Variants in DPH6 observed in about 807,000 individuals in gnomAD.
DPH6 encodes diphthine--ammonia ligase.
In DPH6, 33 loss-of-function variants were observed where a neutral mutation model predicts 38.2. The ratio of observed to expected loss-of-function variants is 0.86; its 90% CI spans 0.65 to 1.15. The LOEUF is 1.15. DPH6 is among the 50% of genes most tolerant of loss of function. DPH6 has a pLI of 0.00. For synonymous variants in DPH6, 108 were observed against 103.0 expected (o/e 1.05, Z -0.30); for missense variants, 325 against 320.0 (o/e 1.02, Z -0.12).
intron 3 of DPH6, among the ~76,000 whole-genome samples, chr15:35,267,512 A>G (rs934983812): frequency 3.9e-5 from 6 of 152,010 alleles, no homozygotes; most frequent in African/African-American, 1.4e-4. Flanking sequence ...ATCTTCCCCA[A>G]TCCTAAGAGC....
At chr15:35,447,947 T>C (rs1595373945) in intron 5 of DPH6, among the ~76,000 whole-genome samples, 3 of 152,220 alleles carry the variant, frequency 2.0e-5, no homozygotes, top group Admixed American at 1.3e-4. Flanking sequence ...TACTACACCA[T>C]CATTTAACTG....
Position 35,428,417 on chromosome 15 carries a change from T to A in DPH6, c.506-17521A>T, listed in dbSNP as rs534936327. Reference sequence around the variant, plus strand: ...AGAAGCCATCAAGGAAGAATGGAATTTCTCTCCAAAAAGCAAACTTAGTCT... The same window carrying A: ...AGAAGCCATCAAGGAAGAATGGAATATCTCTCCAAAAAGCAAACTTAGTCT... On this transcript the variant is annotated intron_variant, in intron 5 of 8. Coordinates refer to ENST00000256538, the MANE Select transcript of DPH6 (RefSeq NM_080650.4). Among the ~76,000 whole-genome samples, 156 of 152,094 alleles carry A rather than the reference T, an allele frequency of 1.0e-3. 1 individual carries two copies. The highest frequency in any genetic ancestry group is 3.6e-3 in the African/African-American group (151 of 41,534).
chr15:35,260,491 T>G (rs1181821636), intron 3 of DPH6, among the ~76,000 whole-genome samples: 2 of 150,580 alleles, frequency 1.3e-5, no homozygotes, highest in African/African-American at 2.4e-5. Context: ...TTAAATTAAA[T>G]AATTTATTAT....
At chr15:35,333,892 A>G (rs995969527) in intron 3 of DPH6, among the ~76,000 whole-genome samples, 11 of 152,206 alleles carry the variant, frequency 7.2e-5, no homozygotes, top group Admixed American at 3.3e-4. Context: ...CATTAGTGAT[A>G]GACTGGATAA....
intron 3 of DPH6, among the ~76,000 whole-genome samples, chr15:35,266,001 A>C (rs1441210733): frequency 6.6e-6 from 1 of 152,192 alleles, no homozygotes; most frequent in East Asian, 1.9e-4. Context: ...TCTCCAGGAC[A>C]CATGTTCTTA....
intron 5 of DPH6, among the ~76,000 whole-genome samples, chr15:35,411,862 TAAAAC>T (rs967335997): frequency 2.0e-4 from 30 of 151,636 alleles, no homozygotes; most frequent in African/African-American, 6.5e-4. Flanking sequence ...AAAATTAACT[TAAAAC>T]AGATTGTAGA....
chr15:35,520,399 C>T lies in DPH6; in HGVS notation c.312+17875G>A, dbSNP rs1168344224. ...ATCAGGATGTAAAATAAATAAGTTA[C>T]ATCAAACAATAGTCATGAATCTTAC... is the stretch of plus-strand genomic sequence containing the variant. On this transcript the variant is annotated intron_variant, in intron 3 of 8. Transcript: ENST00000256538. 3.1e-6 allele frequency: 3 copies of T among 982,942 alleles called. No individual in the cohort carries two copies. The African/African-American group carries it at 5.3e-5, about 17-fold the overall frequency. The allele number at this position is 982,942 out of a possible 1,614,324, so 60.9% of individuals were successfully genotyped here.
At chr15:35,399,727 T>C (rs1445402022) in intron 6 of DPH6, among the ~76,000 whole-genome samples, 1 of 152,174 alleles carries the variant, frequency 6.6e-6, no homozygotes, top group African/African-American at 2.4e-5. Context: ...TACAAGGCAA[T>C]GAAGCAATAC....
At chr15:35,187,117 T>C in the DPH6 span, among the ~76,000 whole-genome samples, 1 of 152,296 alleles carries the variant, frequency 6.6e-6, no homozygotes, top group South Asian at 2.1e-4. Flanking sequence ...AATATCTACC[T>C]CATTAAGTTG....
At chr15:35,359,418 T>C (rs568226543) in intron 3 of DPH6, among the ~76,000 whole-genome samples, 1 of 152,274 alleles carries the variant, frequency 6.6e-6, no homozygotes, top group East Asian at 1.9e-4. Context: ...TCTGTTCAAA[T>C]TGTTACAAAG....
At chr15:35,154,426 A>G in the DPH6 span, among the ~76,000 whole-genome samples, 1 of 152,158 alleles carries the variant, frequency 6.6e-6, no homozygotes, top group African/African-American at 2.4e-5. Context: ...AAGAAAATCT[A>G]CTTCTCGTCG....
chr15:35,334,954 T>C (rs1273046006), intron 3 of DPH6, among the ~76,000 whole-genome samples: 2 of 152,226 alleles, frequency 1.3e-5, no homozygotes, highest in East Asian at 3.8e-4. Flanking sequence ...TATTTCTGCC[T>C]CTAGGTCTTT....
intron 3 of DPH6, among the ~76,000 whole-genome samples, chr15:35,470,589 C>T (rs1012580982): frequency 4.6e-5 from 7 of 152,254 alleles, no homozygotes; most frequent in Admixed American, 2.0e-4. Context: ...ACGTTTGCTC[C>T]TAAGTCAAAA....
At chr15:35,297,496 A>T (rs1202858657) in intron 3 of DPH6, among the ~76,000 whole-genome samples, 1 of 151,374 alleles carries the variant, frequency 6.6e-6, no homozygotes, top group East Asian at 1.9e-4. Flanking sequence ...CTAATTCTTT[A>T]TTTTTTTCCC....
At chr15:35,367,495 T>C (rs2052671061), downstream of DPH6, among the ~76,000 whole-genome samples, 1 of 151,858 alleles carries the variant, frequency 6.6e-6, no homozygotes, top group African/African-American at 2.4e-5. Context: ...ATTTTTCATT[T>C]TCTCAAGCCT....
intron 3 of DPH6, among the ~76,000 whole-genome samples, chr15:35,363,896 A>C (rs1011188189): frequency 1.2e-4 from 19 of 152,150 alleles, no homozygotes; most frequent in Middle Eastern, 3.4e-3. Context: ...CAATGCAAAA[A>C]CTTTAACCAT....
chr15:35,522,188 C>T, intron 3 of DPH6: 1 of 1,613,400 alleles, frequency 6.2e-7, no homozygotes, highest in South Asian at 1.1e-5. Flanking sequence ...GTCCTGTAAA[C>T]AATCGCCTGG....
chr15:35,206,769 G>C, the DPH6 span, among the ~76,000 whole-genome samples: 848 of 152,048 alleles, frequency 5.6e-3, 7 homozygotes, highest in African/African-American at 0.019. Context: ...AGAAACTAAA[G>C]GTATTAAAAT....
At chr15:35,298,624 C>T in intron 3 of DPH6, 1 of 960,206 alleles carries the variant, frequency 1.0e-6, no homozygotes. Flanking sequence ...CCACGATGAT[C>T]TTGCCACCAA....
Sources: gnomAD v4.1 joint callset for allele counts (sites outside exome capture counted in the v4.1 genomes callset) on GRCh38, gnomAD v4.1.1 for gene constraint, MANE v1.5 for transcripts, NCBI Gene and HGNC (gene_info 2026-07-23, HGNC 2026-07-21) for gene names.